Variants in SNX13 observed in about 807,000 individuals in gnomAD.
SNX13 encodes the protein sorting nexin 13, also known as sorting nexin-13.
A neutral mutation model predicts 133.6 loss-of-function variants in SNX13; 45 were observed. The ratio of observed to expected loss-of-function variants is 0.34; its 90% CI spans 0.27 to 0.43. The LOEUF is 0.43. SNX13 is among the 20% of genes least tolerant of loss of function. SNX13 has a pLI of 1.00. For missense variants in SNX13, 1,032 were observed against 1,145.1 expected (o/e 0.90, Z 1.43); for synonymous variants, 414 against 373.9 (o/e 1.11, Z -1.24).
At chr7:17,877,675 C>T (rs1466266255) in intron 5 of SNX13, among the ~76,000 whole-genome samples, 2 of 152,026 alleles carry the variant, frequency 1.3e-5, no homozygotes, top group East Asian at 3.9e-4. Context: ...CATCTTGATT[C>T]ATTATAGAGG....
At chr7:17,917,010 T>C (rs927019988) in intron 1 of SNX13, among the ~76,000 whole-genome samples, 1 of 152,176 alleles carries the variant, frequency 6.6e-6, no homozygotes, top group African/African-American at 2.4e-5. Flanking sequence ...TGGTTCAACA[T>C]ATGCAAATCA....
intron 9 of SNX13, 84 bp downstream of exon 9, chr7:17,868,323 G>C: frequency 1.1e-6 from 1 of 914,842 alleles, no homozygotes; most frequent in Non-Finnish European, 1.7e-6. Context: ...ATAAATTACT[G>C]CTTAAACACC....
At chr7:17,857,980 C>A (rs999701222) in intron 9 of SNX13, among the ~76,000 whole-genome samples, 3 of 151,962 alleles carry the variant, frequency 2.0e-5, no homozygotes, top group Non-Finnish European at 4.4e-5. Flanking sequence ...ATTCAACATG[C>A]CTTCAAAATA....
chr7:17,888,458 T>C (rs1796258013), intron 5 of SNX13: 1 of 204,870 alleles, frequency 4.9e-6, no homozygotes, highest in Non-Finnish European at 1.0e-5. Context: ...CTAAGATAAA[T>C]AACCTAGATT....
intron 1 of SNX13, among the ~76,000 whole-genome samples, chr7:17,927,127 G>A (rs566499494): frequency 4.6e-5 from 7 of 151,000 alleles, no homozygotes; most frequent in Non-Finnish European, 8.8e-5. Context: ...TATAAACTAT[G>A]CTCTTGACAT....
intron 20 of SNX13, among the ~76,000 whole-genome samples, chr7:17,812,693 C>A (rs912180998): frequency 2.0e-5 from 3 of 152,098 alleles, no homozygotes; most frequent in African/African-American, 7.2e-5. Context: ...GACACATGCA[C>A]ACGTATGTTT....
At chr7:17,831,295 CAAAT>C (rs1788456688) in intron 15 of SNX13, 1 of 955,928 alleles carries the variant, frequency 1.0e-6, no homozygotes, top group Non-Finnish European at 1.2e-6. Flanking sequence ...CATGGTGAGA[CAAAT>C]AATGTTGAGA....
intron 11 of SNX13, among the ~76,000 whole-genome samples, chr7:17,848,033 T>C (rs1408542925): frequency 6.6e-6 from 1 of 152,130 alleles, no homozygotes; most frequent in Non-Finnish European, 1.5e-5. Context: ...TGAGAATTTA[T>C]ATCCCTGTTT....
intron 1 of SNX13, among the ~76,000 whole-genome samples, chr7:17,935,295 TA>T (rs1306781403): frequency 6.6e-6 from 1 of 152,276 alleles, no homozygotes; most frequent in African/African-American, 2.4e-5. Context: ...CGATCTCACT[TA>T]TATGTGAAAT....
intron 1 of SNX13, among the ~76,000 whole-genome samples, chr7:17,908,525 C>G (rs1798624936): frequency 6.6e-6 from 1 of 152,140 alleles, no homozygotes. Flanking sequence ...CCCTCATAAA[C>G]ACCTCACACT....
At chr7:17,917,400 C>T (rs1214725029) in intron 1 of SNX13, among the ~76,000 whole-genome samples, 3 of 152,076 alleles carry the variant, frequency 2.0e-5, no homozygotes, top group Non-Finnish European at 2.9e-5. Flanking sequence ...TGATTCTATA[C>T]CTAGAAAACT....
At chr7:17,930,996 CT>C (rs1801331396) in intron 1 of SNX13, among the ~76,000 whole-genome samples, 2 of 152,324 alleles carry the variant, frequency 1.3e-5, no homozygotes, top group African/African-American at 4.8e-5. Context: ...GAAAAACTGT[CT>C]TCCACAAAAC....
chr7:17,891,448 A>T (rs1338721132), intron 4 of SNX13, 98 bp downstream of exon 4: 1 of 762,874 alleles, frequency 1.3e-6, no homozygotes, highest in Non-Finnish European at 2.0e-6. Context: ...AAATTCCAGG[A>T]TATTATTTAA....
intron 12 of SNX13, among the ~76,000 whole-genome samples, chr7:17,841,951 T>G (rs977984918): frequency 2.0e-5 from 3 of 151,930 alleles, no homozygotes; most frequent in Non-Finnish European, 4.4e-5. Flanking sequence ...AAGTTTTAGA[T>G]TCAAGAAACA....
chr7:17,873,459 G>A, intron 8 of SNX13, 69 bp downstream of exon 8: 1 of 669,964 alleles, frequency 1.5e-6, no homozygotes, highest in Non-Finnish European at 2.0e-6. Context: ...AGGGTCTTAA[G>A]ACAAAAATTT....
At chr7:17,851,029 T>G (rs1454687365) in intron 9 of SNX13, 65 bp from the exon 10 acceptor site, 6 of 1,494,590 alleles carry the variant, frequency 4.0e-6, no homozygotes, top group Non-Finnish European at 5.4e-6. Flanking sequence ...AAACTGAATC[T>G]TGAGTGCCTA....
intron 20 of SNX13, among the ~76,000 whole-genome samples, chr7:17,805,211 T>TGTG (rs756302031): frequency 6.2e-4 from 74 of 118,518 alleles, no homozygotes; most frequent in African/African-American, 2.3e-3. Context: ...TAATGATTCT[T>TGTG]TGTGTGTGTG....
intron 25 of SNX13, chr7:17,795,684 A>G (rs1352316820): frequency 6.6e-6 from 1 of 151,804 alleles, no homozygotes; most frequent in Admixed American, 6.6e-5. Context: ...ACATAAGTGC[A>G]AAGAACAGCA....
Position 17,872,817 on chromosome 7 carries a change from C to T in SNX13, c.753+711G>A, listed in dbSNP as rs550495370. 2.0e-5 allele frequency among the ~76,000 whole-genome samples: 3 copies of T among 152,292 alleles called. No homozygotes were observed. The South Asian group carries it at 6.2e-4, about 32-fold the overall frequency. ...TTTCACGTTACGCATTCAACCAGGACATGTTCTTGTGTAGCTAGCCTTTCT... is the reference window on the plus strand; with the variant it reads ...TTTCACGTTACGCATTCAACCAGGATATGTTCTTGTGTAGCTAGCCTTTCT... On this transcript the variant is annotated intron_variant, in intron 8 of 25. Coordinates refer to ENST00000428135, the MANE Select transcript of SNX13 (RefSeq NM_015132.5).
Sources: gnomAD v4.1 joint callset for allele counts (sites outside exome capture counted in the v4.1 genomes callset) on GRCh38, gnomAD v4.1.1 for gene constraint, MANE v1.5 for transcripts, NCBI Gene and HGNC (gene_info 2026-07-23, HGNC 2026-07-21) for gene names.